The following ELMO2 variants were observed in gnomAD, a reference collection of about 807,000 sequenced individuals.
ELMO2 encodes the protein engulfment and cell motility protein 2.
In ELMO2, 37 loss-of-function variants were observed where a neutral mutation model predicts 96.2. The ratio of observed to expected loss-of-function variants is 0.38; its 90% CI spans 0.30 to 0.51. ELMO2 has a LOEUF of 0.51. Ranked by LOEUF, ELMO2 falls within the 20% of genes least tolerant of loss-of-function variation. ELMO2 has a pLI of 0.88. For synonymous variants in ELMO2, 315 were observed against 329.4 expected (o/e 0.96, Z 0.47); for missense variants, 561 against 912.6 (o/e 0.61, Z 4.96).
Position 46,384,106 on chromosome 20 carries a change from G to A in ELMO2, c.678-612C>T, listed in dbSNP as rs556178300. On this transcript the variant is annotated intron_variant, in intron 9 of 21. Coordinates refer to ENST00000290246, the MANE Select transcript of ELMO2 (RefSeq NM_133171.5). Reference sequence around the variant, plus strand: ...CACATAGTATATATAATGAGATCCCGATTTTGTTAAAAATATGCATAAAAA... The same window carrying A: ...CACATAGTATATATAATGAGATCCCAATTTTGTTAAAAATATGCATAAAAA... Among the ~76,000 whole-genome samples, 20 of 152,208 alleles carry A rather than the reference G, an allele frequency of 1.3e-4. 1 individual carries two copies. The highest frequency in any genetic ancestry group is 1.2e-3 in the Admixed American group (18 of 15,298).
rs1372506599 is a variant in ELMO2, at chr20:46,371,939, G to A, written c.1447C>T (p.Arg483Ter). The A allele has an allele frequency of 2.5e-6, 4 of 1,613,932 alleles. No homozygotes were observed. Among genetic ancestry groups the A allele is most frequent in the East Asian group, 4.5e-5 (2 of 44,892 alleles). The change falls in exon 17 of 22, where the codon CGA becomes TGA. Residue 483 changes from arginine to a stop codon, truncating the protein, a stop_gained. Transcript: ENST00000290246. LOFTEE classifies it high-confidence loss of function. The surrounding 1 kb of genome is among the most constrained non-coding windows in gnomAD (Gnocchi z 5.9). ...GAGTTGGGTTTGGAGGGCAAAGCTC[G>A]AGTGATTTGCTCTCGGACGACTTGC... Reference protein sequence around the residue: ...VMQVVREQITRALPSKPNSLD... With the variant: ...VMQVVREQIT
intron 1 of ELMO2, among the ~76,000 whole-genome samples, chr20:46,399,780 C>T (rs2060305497): frequency 6.6e-6 from 1 of 152,182 alleles, no homozygotes; most frequent in Non-Finnish European, 1.5e-5. Flanking sequence ...TGGCTCCAAA[C>T]AGACAGGGAC....
chr20:46,398,370 T>C (rs1232370754), intron 2 of ELMO2, among the ~76,000 whole-genome samples: 2 of 152,206 alleles, frequency 1.3e-5, no homozygotes, highest in African/African-American at 2.4e-5. Flanking sequence ...TGAAGTGCAA[T>C]GGCATGATTT....
chr20:46,381,357 C>T (rs1396953184), intron 10 of ELMO2, among the ~76,000 whole-genome samples: 1 of 152,190 alleles, frequency 6.6e-6, no homozygotes, highest in East Asian at 1.9e-4. Context: ...AATCCTAAAT[C>T]AGTGGGCCTG....
In ELMO2 at chr20:46,382,650, C is replaced by T. The variant is rs550314574; in HGVS notation, c.756+766G>A. On this transcript the variant is annotated intron_variant, in intron 10 of 21. Coordinates refer to ENST00000290246, the MANE Select transcript of ELMO2 (RefSeq NM_133171.5). ...CCAGCAGCAGGGAGAATACTTAGTC[C>T]CAGGCCCCTCGGCTCTTAGGTCAGT... Among the ~76,000 whole-genome samples, 3 of 152,304 alleles carry T rather than the reference C, an allele frequency of 2.0e-5. No homozygotes were observed. In the East Asian group the frequency reaches 5.8e-4, roughly 29 times the overall value.
chr20:46,396,894 A>C (rs1385306627), intron 2 of ELMO2, among the ~76,000 whole-genome samples: 1 of 152,220 alleles, frequency 6.6e-6, no homozygotes, highest in Non-Finnish European at 1.5e-5. Flanking sequence ...CTAAAAGTCC[A>C]TGATTCTTAA....
rs77430115 is a variant in ELMO2 at position 46,391,448 on chromosome 20, C to T, written c.243+1645G>A. On this transcript the variant is annotated intron_variant, in intron 6 of 21. Coordinates refer to ENST00000290246, the MANE Select transcript of ELMO2 (RefSeq NM_133171.5). ...TAGCAAAATATAGGCATTCAGTAAA[C>T]GCTGGCTGATATCACTTCATACCTC... Among the ~76,000 whole-genome samples, 1,029 of 152,312 alleles carry T rather than the reference C, an allele frequency of 6.8e-3. 22 individuals carry two copies. The highest frequency in any genetic ancestry group is 0.023 in the African/African-American group (976 of 41,562).
rs894352758 is a variant in ELMO2 at position 46,375,049 on chromosome 20, C to G, written c.1065+187G>C. Among the ~76,000 whole-genome samples the G allele has an allele frequency of 1.3e-5, 2 of 152,178 alleles. No homozygotes were observed. The highest frequency in any genetic ancestry group is 1.5e-5 in the Non-Finnish European group (1 of 68,032). On this transcript the variant is annotated intron_variant, in intron 13 of 21. Transcript: ENST00000290246. This position sits in a 1 kb window ranked among gnomAD's most constrained non-coding sequence, Gnocchi z 4.6. The stretch of plus-strand genomic sequence containing the variant: ...GATGGATTCGTTTCACAGGGCCAAA[C>G]TTTGCACATAAACTCACAGACTCAC...
At chr20:46,373,096 A>G (rs2059762437) in intron 16 of ELMO2, 2 of 325,106 alleles carry the variant, frequency 6.2e-6, no homozygotes, top group Non-Finnish European at 1.2e-5. Flanking sequence ...GTAAGCACTC[A>G]ATAAACCACA....
chr20:46,372,803 A>C (rs2059753139), intron 16 of ELMO2: 1 of 152,286 alleles, frequency 6.6e-6, no homozygotes, highest in East Asian at 1.9e-4. Context: ...GATAAAAAAG[A>C]CTAGAGGAAA....
intron 1 of ELMO2, among the ~76,000 whole-genome samples, chr20:46,400,445 T>C (rs574185543): frequency 2.0e-5 from 3 of 152,364 alleles, no homozygotes; most frequent in African/African-American, 7.2e-5. Context: ...TTCAGTAACA[T>C]TGCAAAATTC....
Position 46,368,909 on chromosome 20 carries a change from G to A in ELMO2, c.1944C>T (p.Ile648=), listed in dbSNP as rs767311372. Residue 648 remains isoleucine (I), a synonymous_variant, in exon 21 of 22, where the codon ATC becomes ATT. Coordinates refer to ENST00000290246, the MANE Select transcript of ELMO2 (RefSeq NM_133171.5). ...LYDPDETLNF[I]APNKYEYCIW... ...TGCTCACCTCATATTTATTAGGTGC[G>A]ATGAAGTTTAAGGTCTCATCAGGGT... is the stretch of plus-strand genomic sequence containing the variant. The A allele has an allele frequency of 1.3e-5, 21 of 1,614,080 alleles. No homozygotes were observed. Among genetic ancestry groups the A allele is most frequent in the African/African-American group, 2.7e-5 (2 of 74,924 alleles).
intron 10 of ELMO2, among the ~76,000 whole-genome samples, chr20:46,381,958 A>T (rs1319459204): frequency 6.6e-6 from 1 of 152,234 alleles, no homozygotes; most frequent in Non-Finnish European, 1.5e-5. Context: ...CTACAGACCC[A>T]TGCAAAGGCA....
chr20:46,397,030 A>C (rs2060254684), intron 2 of ELMO2, among the ~76,000 whole-genome samples: 1 of 152,146 alleles, frequency 6.6e-6, no homozygotes, highest in African/African-American at 2.4e-5. Context: ...TCCTTTCTGA[A>C]CGCCGTCTTT....
At chr20:46,370,159 C>T (rs1051956797) in intron 20 of ELMO2, 10 of 555,478 alleles carry the variant, frequency 1.8e-5, no homozygotes, top group African/African-American at 1.5e-4. Flanking sequence ...ATACACTATA[C>T]GATGTACACT....
intron 1 of ELMO2, among the ~76,000 whole-genome samples, chr20:46,399,581 G>A (rs754385503): frequency 6.6e-6 from 1 of 152,144 alleles, no homozygotes; most frequent in Non-Finnish European, 1.5e-5. Context: ...TTCCGTTAAT[G>A]AGTACGATTT....
rs1321777668 is a variant in ELMO2, at chr20:46,393,037, G to C, written c.243+56C>G. The stretch of plus-strand genomic sequence containing the variant: ...CTAGAACAGAGTCTGGCCCATGGTA[G>C]GTGCTCATATTTGTTTGTGACATGA... On this transcript the variant is annotated intron_variant, in intron 6 of 21. Transcript: ENST00000290246. 4.1e-6 allele frequency: 6 copies of C among 1,473,220 alleles called. No homozygotes were observed. In the East Asian group the frequency reaches 9.1e-5, roughly 22 times the overall value. 91.3% of individuals were successfully genotyped at this position (1,473,220 alleles called of 1,614,324 possible).
In ELMO2 at chr20:46,380,411, AT is replaced by A. The variant is rs1459630533; in HGVS notation, c.757-109del. ...TTCTGGGCCTTTTTTGCTTTCTTAA[AT>A]TTTTTTCCTCCCAAATGAAAAGTGG... is the stretch of plus-strand genomic sequence containing the variant. On this transcript the variant is annotated intron_variant, in intron 10 of 21. Transcript: ENST00000290246. 20 of 875,360 alleles carry A rather than the reference AT, an allele frequency of 2.3e-5. 1 individual carries two copies. The highest frequency in any genetic ancestry group is 8.0e-5 in the South Asian group (5 of 62,354). 54.2% of individuals were successfully genotyped at this position (875,360 alleles called of 1,614,324 possible).
intron 6 of ELMO2, among the ~76,000 whole-genome samples, chr20:46,392,357 C>T (rs1418624587): frequency 3.3e-5 from 5 of 152,154 alleles, no homozygotes; most frequent in African/African-American, 1.2e-4. Context: ...CTCCTAGATA[C>T]TCTTCATATC....
Sources: allele counts gnomAD v4.1 joint callset (sites outside exome capture counted in the v4.1 genomes callset), GRCh38; gene constraint gnomAD v4.1.1; non-coding constraint Gnocchi (gnomAD v3.1); transcripts MANE v1.5; gene names NCBI Gene and HGNC (gene_info 2026-07-23, HGNC 2026-07-21).